Variants in DLG2 observed in about 807,000 individuals in gnomAD.
The protein encoded by DLG2 is disks large homolog 2.
Under a neutral mutation model 132.5 loss-of-function variants are expected in DLG2, and 45 were observed. That is an observed-to-expected ratio of 0.34 (90% CI 0.27 to 0.44). DLG2 has a LOEUF of 0.44. Among genes scored for constraint, DLG2 ranks in the 20% least tolerant of loss-of-function variants. The probability of loss-of-function intolerance (pLI) is 1.00; values close to 1 mark genes in which losing one functional copy is unlikely to be tolerated. For missense variants in DLG2, 1,045 were observed against 1,196.9 expected (o/e 0.87, Z 1.87); for synonymous variants, 424 against 419.6 (o/e 1.01, Z -0.13).
intron 11 of DLG2, among the ~76,000 whole-genome samples, chr11:83,995,483 G>C (rs1157011265): frequency 1.3e-5 from 2 of 151,942 alleles, no homozygotes; most frequent in Non-Finnish European, 2.9e-5. Context: ...CATTTTCCTT[G>C]TTAATACTTG....
At chr11:84,411,165 C>A (rs928529172) in intron 7 of DLG2, among the ~76,000 whole-genome samples, 2 of 152,098 alleles carry the variant, frequency 1.3e-5, no homozygotes, top group Non-Finnish European at 2.9e-5. Context: ...CAGAATTTTA[C>A]TTCTATCATT....
intron 19 of DLG2, among the ~76,000 whole-genome samples, chr11:83,542,760 C>T (rs1194223554): frequency 6.6e-6 from 1 of 152,104 alleles, no homozygotes; most frequent in African/African-American, 2.4e-5. Context: ...GCCACCACTC[C>T]TATATTGTCC....
At chr11:83,554,944 G>A (rs993000031) in intron 19 of DLG2, among the ~76,000 whole-genome samples, 1 of 152,188 alleles carries the variant, frequency 6.6e-6, no homozygotes, top group Non-Finnish European at 1.5e-5. Flanking sequence ...CAGAAACAAG[G>A]CACTTTTGGA....
At position 84,888,393 on chromosome 11, in the gene DLG2, G is replaced by T. The variant is rs1441599061; in HGVS notation, c.357+223268C>A. The stretch of plus-strand genomic sequence containing the variant: ...TATCTTTTCCTGCCCTCAGACATCA[G>T]ACCTGCTTGTTCTTGGTCCTTTGGA... On this transcript the variant is annotated intron_variant, in intron 6 of 27. Coordinates refer to ENST00000376104, the MANE Select transcript of DLG2 (RefSeq NM_001142699.3). 3.3e-5 allele frequency among the ~76,000 whole-genome samples: 5 copies of T among 152,012 alleles called. No individual in the cohort carries two copies. In the East Asian group the frequency reaches 9.7e-4, roughly 29 times the overall value.
At chr11:83,460,635 CAA>C (rs763961088) in intron 27 of DLG2, among the ~76,000 whole-genome samples, 137 of 152,268 alleles carry the variant, frequency 9.0e-4, no homozygotes, top group Non-Finnish European at 9.3e-4. Context: ...CTCATTTGAA[CAA>C]AAGTTATCTT....
At chr11:84,483,200 A>T (rs987430432) in intron 7 of DLG2, among the ~76,000 whole-genome samples, 10 of 152,148 alleles carry the variant, frequency 6.6e-5, no homozygotes, top group Admixed American at 5.9e-4. Flanking sequence ...TGGGAGGCCG[A>T]GGCGGGCTCA....
intron 3 of DLG2, among the ~76,000 whole-genome samples, chr11:85,351,870 C>A (rs2083315225): frequency 1.3e-5 from 2 of 152,038 alleles, no homozygotes; most frequent in African/African-American, 2.4e-5. Flanking sequence ...CTAAAATTCT[C>A]TTTTTTTGTT....
At chr11:84,149,885 G>A (rs1394924778) in intron 9 of DLG2, among the ~76,000 whole-genome samples, 1 of 152,022 alleles carries the variant, frequency 6.6e-6, no homozygotes, top group East Asian at 1.9e-4. Flanking sequence ...ACCCTCCTGA[G>A]TAGCTGGGAT....
At position 84,893,385 on chromosome 11, in the gene DLG2, G is replaced by T. The variant is rs190505986; in HGVS notation, c.357+218276C>A. 9.7e-4 allele frequency among the ~76,000 whole-genome samples: 147 copies of T among 152,250 alleles called. 1 individual carries two copies. Among genetic ancestry groups the T allele is most frequent in the Admixed American group, 5.8e-3 (89 of 15,278 alleles). ...GTGTGTACTCCTAAGTATCACAATG[G>T]GTTTCAAATGGTGTGGCTTAAAAGC... On this transcript the variant is annotated intron_variant, in intron 6 of 27. Coordinates refer to ENST00000376104, the MANE Select transcript of DLG2 (RefSeq NM_001142699.3).
At chr11:84,741,353 C>T (rs1178426507) in intron 6 of DLG2, among the ~76,000 whole-genome samples, 1 of 152,056 alleles carries the variant, frequency 6.6e-6, no homozygotes, top group African/African-American at 2.4e-5. Context: ...CGCGCCCGGC[C>T]GCCTATGCTC....
At chr11:84,313,625 A>G (rs2098318999) in intron 7 of DLG2, among the ~76,000 whole-genome samples, 1 of 135,786 alleles carries the variant, frequency 7.4e-6, no homozygotes, top group Non-Finnish European at 1.6e-5. Flanking sequence ...AAAAAGAAAA[A>G]GAAAGGAAAG....
chr11:83,844,987 A>G (rs1424486103), intron 16 of DLG2, among the ~76,000 whole-genome samples: 1 of 152,108 alleles, frequency 6.6e-6, no homozygotes, highest in Non-Finnish European at 1.5e-5. Flanking sequence ...GAGTAGTTAC[A>G]TTTTGCATCA....
At chr11:84,948,808 A>T (rs2050555981) in intron 6 of DLG2, among the ~76,000 whole-genome samples, 2 of 152,220 alleles carry the variant, frequency 1.3e-5, no homozygotes, top group South Asian at 4.1e-4. Context: ...GGTAAGTTAC[A>T]TCATTTCTCT....
chr11:84,238,379 G>T (rs2097185930), intron 8 of DLG2, among the ~76,000 whole-genome samples: 1 of 152,076 alleles, frequency 6.6e-6, no homozygotes, highest in Non-Finnish European at 1.5e-5. Context: ...CCTGGATGTG[G>T]TGGCACACGC....
chr11:84,655,845 C>T (rs1456282313), intron 6 of DLG2, among the ~76,000 whole-genome samples: 2 of 151,836 alleles, frequency 1.3e-5, no homozygotes, highest in Admixed American at 1.3e-4. Flanking sequence ...ATCAGGGGGC[C>T]TTTTCATCCA....
At chr11:83,870,689 T>C (rs1171525839) in intron 16 of DLG2, among the ~76,000 whole-genome samples, 1 of 152,166 alleles carries the variant, frequency 6.6e-6, no homozygotes, top group Non-Finnish European at 1.5e-5. Flanking sequence ...AGAAGAAGCT[T>C]CTTTTTTTTG....
At chr11:84,209,475 A>G (rs747800561) in intron 8 of DLG2, among the ~76,000 whole-genome samples, 14 of 152,226 alleles carry the variant, frequency 9.2e-5, no homozygotes, top group Non-Finnish European at 1.9e-4. Context: ...TAATAGTAAT[A>G]TATCAAAGTT....
intron 19 of DLG2, among the ~76,000 whole-genome samples, chr11:83,573,672 T>C (rs12797885): frequency 0.053 from 8,125 of 152,230 alleles, 256 homozygotes; most frequent in South Asian, 0.12. Context: ...TTGGGCATTT[T>C]ATTATTTATT....
chr11:84,592,869 G>A (rs763449792), intron 6 of DLG2, among the ~76,000 whole-genome samples: 11 of 138,816 alleles, frequency 7.9e-5, no homozygotes, highest in Non-Finnish European at 1.5e-4. Flanking sequence ...AGGCCAAGGC[G>A]AGTGGATCAC....
Sources: allele counts gnomAD v4.1 joint callset (sites outside exome capture counted in the v4.1 genomes callset), GRCh38; gene constraint gnomAD v4.1.1; transcripts MANE v1.5; gene names NCBI Gene and HGNC (gene_info 2026-07-23, HGNC 2026-07-21).